TRAF3IP1: variants seen among roughly 807,000 people sequenced by gnomAD.
TRAF3IP1 encodes intraflagellar transport 54.
Under a neutral mutation model 89.9 loss-of-function variants are expected in TRAF3IP1, and 53 were observed. The observed-to-expected ratio is 0.59, with a 90% CI of 0.47 to 0.74. TRAF3IP1 has a LOEUF of 0.74. TRAF3IP1 is among the 30% of genes least tolerant of loss of function. TRAF3IP1 has a pLI of 0.00. For missense variants in TRAF3IP1, 806 were observed against 866.1 expected (o/e 0.93, Z 0.87); for synonymous variants, 311 against 322.1 (o/e 0.97, Z 0.37).
chr2:238,340,735 G>A lies in TRAF3IP1; in HGVS notation c.1159+2278G>A, dbSNP rs189516601. Among the ~76,000 whole-genome samples the A allele has an allele frequency of 6.8e-3, 1,029 of 152,106 alleles. 38 individuals carry two copies. Among genetic ancestry groups the A allele is most frequent in the Admixed American group, 0.06 (924 of 15,288 alleles). On this transcript the variant is annotated intron_variant, in intron 8 of 16. Transcript: ENST00000373327. ...AAAATATGGAAAAGTAGAAAGAATA[G>A]TACAACTAGTGCCCATATACCTCTC...
chr2:238,343,558 A>G (rs989508280), intron 8 of TRAF3IP1, among the ~76,000 whole-genome samples: 22 of 148,828 alleles, frequency 1.5e-4, no homozygotes, highest in East Asian at 2.0e-4. Context: ...ATTTTTGTAG[A>G]TATGAGGTTT....
At position 238,329,172 on chromosome 2, in the gene TRAF3IP1, A is replaced by T. The variant is rs769731021; in HGVS notation, c.745A>T (p.Thr249Ser). 9 of 1,563,402 alleles carry T rather than the reference A, an allele frequency of 5.8e-6. No individual in the cohort carries two copies. The highest frequency in any genetic ancestry group is 7.8e-6 in the Non-Finnish European group (9 of 1,157,354). ...CAGAGACTCCGAGCGCAAGAAGGAG[A>T]CAGAGAGAAAGAGTGAGGGGGGGAA... ...RDRDSERKKE[T>S]ERKSEGGKEK... The change falls in exon 5 of 17, where the codon ACA becomes TCA. Residue 249 changes from threonine (T) to serine (S), a missense_variant. This residue lies in a region of TRAF3IP1 where 732 missense variants were observed against 780.5 expected (regional missense o/e 0.94). Coordinates refer to ENST00000373327, the MANE Select transcript of TRAF3IP1 (RefSeq NM_015650.4).
At position 238,325,829 on chromosome 2, in the gene TRAF3IP1, C is replaced by T. The variant is rs534435982; in HGVS notation, c.213C>T (p.Ser71=). The T allele has an allele frequency of 5.6e-6, 9 of 1,611,850 alleles. No individual in the cohort carries two copies. The Admixed American group carries it at 1.2e-4, about 21-fold the overall frequency. Reference sequence around the variant, plus strand: ...TTCAGGATAAAGATGCAAAAATTAGCTTCCTACAAAAGGCCATAGACGTGG... The same window carrying T: ...TTCAGGATAAAGATGCAAAAATTAGTTTCCTACAAAAGGCCATAGACGTGG... The part of the protein sequence containing the change: ...DNVKDKDAKI[S]FLQKAIDVVV... Residue 71 remains serine (S), a synonymous_variant, in exon 3 of 17, where the codon AGC becomes AGT. Transcript: ENST00000373327.
Position 238,349,425 on chromosome 2 carries a change from A to G in TRAF3IP1, c.1451+17A>G, listed in dbSNP as rs1229740942. 6.2e-7 allele frequency: 1 copy of G among 1,612,256 alleles called. No homozygotes were observed. Among genetic ancestry groups the G allele is most frequent in the East Asian group, 2.2e-5 (1 of 44,844 alleles). ...AATGGATAGGTAAGGCTGGCTCAGC[A>G]GGGCAGTTCCAGCCACACAGTGTGT... On this transcript the variant is annotated intron_variant, in intron 12 of 16. Coordinates refer to ENST00000373327, the MANE Select transcript of TRAF3IP1 (RefSeq NM_015650.4).
intron 14 of TRAF3IP1, among the ~76,000 whole-genome samples, chr2:238,354,174 T>C (rs147087539): frequency 2.0e-5 from 3 of 152,318 alleles, no homozygotes; most frequent in Non-Finnish European, 4.4e-5. Flanking sequence ...GGGGAGCCTA[T>C]TGGAGTTATT....
chr2:238,385,618 A>G (rs1405585410), intron 15 of TRAF3IP1, among the ~76,000 whole-genome samples: 1 of 152,254 alleles, frequency 6.6e-6, no homozygotes, highest in Non-Finnish European at 1.5e-5. Context: ...ATTCTACAAC[A>G]GTGGTCCCCA....
rs1487058827 is a variant in TRAF3IP1 at position 238,400,010 on chromosome 2, C to T, written c.*1091C>T. 1 of 151,780 alleles carries T rather than the reference C, an allele frequency of 6.6e-6. No individual in the cohort carries two copies. Among genetic ancestry groups the T allele is most frequent in the Non-Finnish European group, 1.5e-5 (1 of 68,004 alleles). 9.4% of individuals were successfully genotyped at this position (151,780 alleles called of 1,614,324 possible). On this transcript the variant is annotated 3_prime_UTR_variant, in exon 17 of 17. Transcript: ENST00000373327. ...ACTTATGGGTCTTGAGGTCTGGGTC[C>T]TAATACTTTTAAATAGTGTATTTAT...
intron 15 of TRAF3IP1, among the ~76,000 whole-genome samples, chr2:238,380,631 C>T (rs182278404): frequency 6.6e-6 from 1 of 152,266 alleles, no homozygotes; most frequent in Admixed American, 6.5e-5. Flanking sequence ...AGATCCTGCT[C>T]TTCCTGAGCT....
chr2:238,330,357 T>C (rs1663997056), intron 5 of TRAF3IP1, among the ~76,000 whole-genome samples: 1 of 152,270 alleles, frequency 6.6e-6, no homozygotes, highest in African/African-American at 2.4e-5. Context: ...AATGTGTGAA[T>C]TCTTTCTGGA....
At chr2:238,392,658 GC>G (rs200605767) in intron 15 of TRAF3IP1, among the ~76,000 whole-genome samples, 4,711 of 151,364 alleles carry the variant, frequency 0.031, 111 homozygotes, top group Non-Finnish European at 0.05. Flanking sequence ...CTGCAACCTC[GC>G]CCCCCCACCC....
At chr2:238,381,101 G>T (rs917111565) in intron 15 of TRAF3IP1, among the ~76,000 whole-genome samples, 1 of 147,224 alleles carries the variant, frequency 6.8e-6, no homozygotes, top group African/African-American at 2.5e-5. Context: ...GATTTGGGTA[G>T]GATGCTTGGG....
chr2:238,334,915 G>A (rs1698313120), intron 7 of TRAF3IP1, among the ~76,000 whole-genome samples: 1 of 152,166 alleles, frequency 6.6e-6, no homozygotes. Flanking sequence ...ACCTTCTCCA[G>A]TGTTGTTAAG....
At position 238,338,428 on chromosome 2, in the gene TRAF3IP1, C is replaced by G; in HGVS notation, c.1130C>G (p.Pro377Arg). The change falls in exon 8 of 17, where the codon CCA (proline) becomes CGA (arginine). Residue 377 changes from proline (P) to arginine (R), a missense_variant. This residue lies in a region of TRAF3IP1 where 732 missense variants were observed against 780.5 expected (regional missense o/e 0.94). Transcript: ENST00000373327. The part of the protein sequence containing the change: ...DSIVSGINNE[P>R]NQETTTSEIG... ...ATAGTGTCTGGAATAAATAATGAGC[C>G]AAATCAGGAAACGACAACATCAGAA... 6.3e-7 allele frequency: 1 copy of G among 1,593,750 alleles called. No homozygotes were observed. The highest frequency in any genetic ancestry group is 1.3e-5 in the African/African-American group (1 of 74,290).
chr2:238,366,185 TCGCG>T (rs1233368487), intron 15 of TRAF3IP1, among the ~76,000 whole-genome samples: 1 of 151,354 alleles, frequency 6.6e-6, no homozygotes, highest in African/African-American at 2.4e-5. Flanking sequence ...TGAGCAGAGA[TCGCG>T]CGCGCCACTG....
At chr2:238,394,162 C>T (rs1267358333) in intron 15 of TRAF3IP1, among the ~76,000 whole-genome samples, 1 of 152,208 alleles carries the variant, frequency 6.6e-6, no homozygotes, top group Non-Finnish European at 1.5e-5. Flanking sequence ...CACAACTGCA[C>T]TCCAGCCTGG....
chr2:238,344,554 T>G lies in TRAF3IP1; in HGVS notation c.1217T>G (p.Leu406Arg), dbSNP rs748184508. Residue 406 changes from leucine (L) to arginine (R), a missense_variant, in exon 9 of 17, where the codon CTG becomes CGG. Coordinates refer to ENST00000373327, the MANE Select transcript of TRAF3IP1 (RefSeq NM_015650.4). ...ATTTCAGATGATAATTCAGCTAGTC[T>G]GCGGTGTGAGAATATTCAGCCCAAC... ...TSISDDNSASLRCENIQPNPT... is the reference protein window; with the variant it reads ...TSISDDNSASRRCENIQPNPT... The G allele has an allele frequency of 3.1e-6, 5 of 1,614,098 alleles. No individual in the cohort carries two copies. The highest frequency in any genetic ancestry group is 4.2e-6 in the Non-Finnish European group (5 of 1,180,034).
intron 15 of TRAF3IP1, among the ~76,000 whole-genome samples, chr2:238,387,090 C>T (rs1700805086): frequency 6.6e-6 from 1 of 152,182 alleles, no homozygotes; most frequent in Non-Finnish European, 1.5e-5. Context: ...GCGTTACACC[C>T]ATTTGCTAGG....
At chr2:238,363,504 A>C (rs1699745518) in intron 15 of TRAF3IP1, among the ~76,000 whole-genome samples, 2 of 152,152 alleles carry the variant, frequency 1.3e-5, no homozygotes, top group African/African-American at 4.8e-5. Flanking sequence ...GATAATATCT[A>C]ATGTAATGAA....
At chr2:238,328,297 G>A (rs78778931) in intron 3 of TRAF3IP1, among the ~76,000 whole-genome samples, 212 of 152,248 alleles carry the variant, frequency 1.4e-3, no homozygotes, top group Non-Finnish European at 2.4e-3. Flanking sequence ...TGGGTGTGAG[G>A]TGGTTAGATA....
Sources: allele counts gnomAD v4.1 joint callset (sites outside exome capture counted in the v4.1 genomes callset), GRCh38; gene constraint gnomAD v4.1.1; regional missense constraint gnomAD v4.1.1; transcripts MANE v1.5; gene names NCBI Gene and HGNC (gene_info 2026-07-23, HGNC 2026-07-21).